The following PKD1L1 variants were observed in gnomAD, a reference collection of about 807,000 sequenced individuals.
The protein encoded by PKD1L1 is polycystin-1-like protein 1.
A neutral mutation model predicts 323.4 loss-of-function variants in PKD1L1; 236 were observed. The observed-to-expected ratio is 0.73, with a 90% confidence interval of 0.66 to 0.81. The LOEUF (loss-of-function observed/expected upper bound fraction) is 0.81. Among genes scored for constraint, PKD1L1 ranks in the 40% least tolerant of loss-of-function variants. PKD1L1 has a pLI of 0.00. For synonymous variants in PKD1L1, 1,344 were observed against 1,335.0 expected (o/e 1.01, Z -0.15); for missense variants, 3,320 against 3,508.0 (o/e 0.95, Z 1.35).
intron 20 of PKD1L1, 114 bp from the exon 21 acceptor site, chr7:47,880,919 G>T: frequency 1.4e-6 from 1 of 693,702 alleles, no homozygotes; most frequent in South Asian, 2.2e-5. Flanking sequence ...AATTAACATA[G>T]ATACTAGTGA....
chr7:47,827,222 TG>T, intron 45 of PKD1L1, 127 bp downstream of exon 45: 1 of 762,338 alleles, frequency 1.3e-6, no homozygotes, highest in East Asian at 2.7e-5. Context: ...GACAGCAAGG[TG>T]GTCCCCACCT....
chr7:47,909,053 A>G (rs1388374816), intron 8 of PKD1L1, among the ~76,000 whole-genome samples: 1 of 152,226 alleles, frequency 6.6e-6, no homozygotes, highest in Non-Finnish European at 1.5e-5. Flanking sequence ...AACTCCCAGC[A>G]GAACTGGGAG....
chr7:47,940,846 G>A (rs888405438), intron 2 of PKD1L1, among the ~76,000 whole-genome samples: 1 of 152,188 alleles, frequency 6.6e-6, no homozygotes, highest in Non-Finnish European at 1.5e-5. Flanking sequence ...GGCAGTGAGC[G>A]GAGCCAGTGT....
intron 15 of PKD1L1, among the ~76,000 whole-genome samples, chr7:47,893,522 G>C (rs1443069698): frequency 1.3e-5 from 2 of 152,124 alleles, no homozygotes; most frequent in African/African-American, 4.8e-5. Context: ...GGCTGAACTG[G>C]GGGCAGCCTC....
chr7:47,902,033 GGAAAAGAAAA>G lies in PKD1L1; in HGVS notation c.2064+336_2064+345del, dbSNP rs199667705. On this transcript the variant is annotated intron_variant, in intron 13 of 56. Transcript: ENST00000289672. ...ATCCAAAAAAAGAAAGGAAAGGAAA[GGAAAAGAAAA>G]GAAAAGAAAAGAAAAAAAAGAAAAG... 4.4e-4 allele frequency among the ~76,000 whole-genome samples: 58 copies of G among 132,516 alleles called. No individual in the cohort carries two copies. In the Middle Eastern group the frequency reaches 0.014, roughly 33 times the overall value. 86.9% of individuals were successfully genotyped at this position (132,516 alleles called of 152,430 possible).
At chr7:47,863,114 GA>G (rs1292566474) in intron 26 of PKD1L1, among the ~76,000 whole-genome samples, 1 of 152,142 alleles carries the variant, frequency 6.6e-6, no homozygotes, top group Non-Finnish European at 1.5e-5. Context: ...GAACAGATGG[GA>G]CTTCTTTATA....
At chr7:47,793,363 G>T (rs1412310473) in intron 55 of PKD1L1, among the ~76,000 whole-genome samples, 1 of 152,072 alleles carries the variant, frequency 6.6e-6, no homozygotes, top group Admixed American at 6.6e-5. Flanking sequence ...AGGGACCTGG[G>T]GGGAGGTAAT....
the PKD1L1 span, among the ~76,000 whole-genome samples, chr7:47,960,580 G>A: frequency 2.6e-5 from 4 of 151,348 alleles, no homozygotes; most frequent in African/African-American, 4.8e-5. Context: ...TACCTATGGT[G>A]CTTTGCCTTT....
chr7:47,933,245 CA>C (rs1245192896), intron 4 of PKD1L1, among the ~76,000 whole-genome samples: 1 of 152,146 alleles, frequency 6.6e-6, no homozygotes, highest in Non-Finnish European at 1.5e-5. Flanking sequence ...CAAAAAATGC[CA>C]TTCACCTTAT....
chr7:47,951,273 G>T (rs1471540911), upstream of PKD1L1, among the ~76,000 whole-genome samples: 1 of 152,174 alleles, frequency 6.6e-6, no homozygotes, highest in Non-Finnish European at 1.5e-5. Flanking sequence ...TCATTTCTTT[G>T]CATGAAATCA....
intron 8 of PKD1L1, among the ~76,000 whole-genome samples, chr7:47,911,826 T>C (rs1787327244): frequency 6.6e-6 from 1 of 150,584 alleles, no homozygotes; most frequent in African/African-American, 2.4e-5. Context: ...GTGAATATCA[T>C]CAACACGCAT....
At chr7:47,955,444 T>TA in the PKD1L1 span, among the ~76,000 whole-genome samples, 117 of 151,918 alleles carry the variant, frequency 7.7e-4, no homozygotes, top group Non-Finnish European at 2.5e-4. Context: ...AAGATTGAAA[T>TA]AAAAAAAACA....
At chr7:47,960,307 ACTATT>A in the PKD1L1 span, among the ~76,000 whole-genome samples, 1 of 143,634 alleles carries the variant, frequency 7.0e-6, no homozygotes, top group Non-Finnish European at 1.5e-5. Context: ...CCCTCCCTCC[ACTATT>A]GTCCTATGAC....
At chr7:47,814,518 T>C (rs974307566) in intron 47 of PKD1L1, among the ~76,000 whole-genome samples, 6 of 152,192 alleles carry the variant, frequency 3.9e-5, no homozygotes, top group African/African-American at 1.4e-4. Context: ...TAGCTAGGAT[T>C]ACAGGCATGT....
chr7:47,921,262 A>G (rs1272327494), intron 7 of PKD1L1, among the ~76,000 whole-genome samples: 1 of 148,470 alleles, frequency 6.7e-6, no homozygotes, highest in Admixed American at 6.7e-5. Flanking sequence ...AAAAAAAGAT[A>G]TACAAATGGC....
intron 30 of PKD1L1, among the ~76,000 whole-genome samples, chr7:47,853,793 A>C (rs553609931): frequency 1.5e-4 from 22 of 151,646 alleles, no homozygotes; most frequent in South Asian, 8.4e-4. Context: ...AACACCAAAA[A>C]CCAAACAAAC....
intron 31 of PKD1L1, among the ~76,000 whole-genome samples, chr7:47,850,632 C>CAAA (rs58437908): frequency 0.1 from 7,818 of 75,390 alleles, 966 homozygotes; most frequent in African/African-American, 0.3. Flanking sequence ...GACTCTGTCT[C>CAAA]AAAAAAAAAA....
rs1247239831 is a variant in PKD1L1, at chr7:47,866,508, TA to T, written c.4002del (p.Lys1335ArgfsTer18). 1.2e-6 allele frequency: 2 copies of T among 1,614,062 alleles called. No homozygotes were observed. The highest frequency in any genetic ancestry group is 1.7e-6 in the Non-Finnish European group (2 of 1,179,928). On this transcript the variant is annotated frameshift_variant, in exon 25 of 57. Coordinates refer to ENST00000289672, the MANE Select transcript of PKD1L1 (RefSeq NM_138295.5). LOFTEE classifies it high-confidence loss of function. ...TTGCAGGAGGCAGTTTTGTCCTCCT[TA>T]GACAAACGACTCAGGATTCTGGTGA... ...TVITRILSRL[S>X]KEDKTASCNQ...
intron 21 of PKD1L1, among the ~76,000 whole-genome samples, chr7:47,879,905 C>T (rs1014243674): frequency 3.3e-5 from 5 of 149,734 alleles, no homozygotes. Context: ...TGCACTCTAG[C>T]CTGGGCAACA....
Sources: allele counts gnomAD v4.1 joint callset (sites outside exome capture counted in the v4.1 genomes callset), GRCh38; gene constraint gnomAD v4.1.1; transcripts MANE v1.5; gene names NCBI Gene and HGNC (gene_info 2026-07-23, HGNC 2026-07-21).